SEZ6L: variants seen among roughly 807,000 people sequenced by gnomAD.
SEZ6L encodes the protein seizure related 6 homolog like.
Under a neutral mutation model 106.2 loss-of-function variants are expected in SEZ6L, and 37 were observed. That is an observed-to-expected ratio of 0.35 (90% confidence interval 0.27 to 0.46). The LOEUF (loss-of-function observed/expected upper bound fraction) is 0.46. Ranked by LOEUF, SEZ6L falls within the 20% of genes least tolerant of loss-of-function variation. The pLI is 1.00. For synonymous variants in SEZ6L, 541 were observed against 570.4 expected, an observed-to-expected ratio of 0.95 and a Z score of 0.73; for missense variants, 1,172 against 1,332.8, an observed-to-expected ratio of 0.88 and a Z score of 1.88.
At chr22:26,365,734 C>G (rs1274150501) in intron 13 of SEZ6L, among the ~76,000 whole-genome samples, 168 bp downstream of exon 13, 1 of 151,800 alleles carries the variant, frequency 6.6e-6, no homozygotes, top group African/African-American at 2.4e-5. Context: ...ATTAGTCAGG[C>G]ATGGCGGCAC....
chr22:26,350,200 A>T (rs1250656560), intron 11 of SEZ6L, among the ~76,000 whole-genome samples: 1 of 130,732 alleles, frequency 7.6e-6, no homozygotes, highest in Non-Finnish European at 1.5e-5. Flanking sequence ...GTGTGTATAT[A>T]TATATATACA....
At chr22:26,298,928 G>A in intron 4 of SEZ6L, 56 bp from the exon 5 acceptor site, 1 of 1,486,282 alleles carries the variant, frequency 6.7e-7, no homozygotes, top group Non-Finnish European at 9.0e-7. Context: ...TGTGGGTCAG[G>A]TTCTTGATCT....
At chr22:26,235,784 A>G (rs1432241402) in intron 1 of SEZ6L, among the ~76,000 whole-genome samples, 8 of 152,222 alleles carry the variant, frequency 5.3e-5, no homozygotes. Context: ...ACAGAGGGGT[A>G]GAATAGAGGA....
intron 15 of SEZ6L, among the ~76,000 whole-genome samples, chr22:26,377,336 G>A (rs1473570240): frequency 2.0e-5 from 3 of 152,056 alleles, no homozygotes; most frequent in Non-Finnish European, 2.9e-5. Flanking sequence ...TACAGTAGGT[G>A]CTCAATAAAT....
chr22:26,251,838 G>A (rs1569421160), intron 1 of SEZ6L, among the ~76,000 whole-genome samples: 1 of 152,174 alleles, frequency 6.6e-6, no homozygotes, highest in Non-Finnish European at 1.5e-5. Context: ...ATAGAGCAAA[G>A]GAGTGGTCCT....
intron 3 of SEZ6L, among the ~76,000 whole-genome samples, 197 bp from the exon 4 acceptor site, chr22:26,296,691 C>T (rs2081310334): frequency 6.6e-6 from 1 of 152,246 alleles, no homozygotes; most frequent in African/African-American, 2.4e-5. Flanking sequence ...TTCACTCTAT[C>T]CCCTTGGCTT....
chr22:26,327,998 C>G (rs191031895), intron 9 of SEZ6L, among the ~76,000 whole-genome samples: 38 of 152,346 alleles, frequency 2.5e-4, no homozygotes, highest in African/African-American at 8.2e-4. Flanking sequence ...ATTTCTAAAG[C>G]CTTGTATTCC....
At chr22:26,245,228 A>C (rs1210102746) in intron 1 of SEZ6L, among the ~76,000 whole-genome samples, 6 of 152,142 alleles carry the variant, frequency 3.9e-5, no homozygotes, top group Non-Finnish European at 7.4e-5. Flanking sequence ...GCCTGTAGCC[A>C]AGGTAGCTAT....
chr22:26,261,695 A>C (rs2080011690), intron 1 of SEZ6L, among the ~76,000 whole-genome samples: 1 of 152,214 alleles, frequency 6.6e-6, no homozygotes, highest in African/African-American at 2.4e-5. Flanking sequence ...GTGCCTACTA[A>C]GCATAAAGTA....
At chr22:26,325,830 C>T (rs552638767) in intron 9 of SEZ6L, among the ~76,000 whole-genome samples, 1 of 152,238 alleles carries the variant, frequency 6.6e-6, no homozygotes, top group East Asian at 1.9e-4. Flanking sequence ...ACATTACACA[C>T]ACTCAACAAT....
At chr22:26,282,870 A>G (rs919553459) in intron 1 of SEZ6L, among the ~76,000 whole-genome samples, 3 of 152,140 alleles carry the variant, frequency 2.0e-5, no homozygotes, top group African/African-American at 7.2e-5. Flanking sequence ...TTTTTTTTCT[A>G]TGTCAATCAA....
At chr22:26,248,905 A>G (rs76686645) in intron 1 of SEZ6L, among the ~76,000 whole-genome samples, 22 of 151,890 alleles carry the variant, frequency 1.4e-4, no homozygotes, top group African/African-American at 4.8e-4. Context: ...GAACCTGCCC[A>G]TGCCCCATGC....
chr22:26,248,829 C>T (rs186691738), intron 1 of SEZ6L, among the ~76,000 whole-genome samples: 4 of 152,314 alleles, frequency 2.6e-5, no homozygotes, highest in African/African-American at 7.2e-5. Flanking sequence ...TGGGGTGGAT[C>T]CTGCTGCAAA....
intron 1 of SEZ6L, among the ~76,000 whole-genome samples, chr22:26,216,631 T>G (rs2078307199): frequency 6.6e-6 from 1 of 151,350 alleles, no homozygotes; most frequent in African/African-American, 2.4e-5. Context: ...ACTCCAGCCT[T>G]GGTGACAGAG....
At chr22:26,268,211 A>C (rs2080249949) in intron 1 of SEZ6L, among the ~76,000 whole-genome samples, 1 of 152,236 alleles carries the variant, frequency 6.6e-6, no homozygotes, top group Non-Finnish European at 1.5e-5. Flanking sequence ...GCCAACATGC[A>C]CAATGACTTT....
intron 8 of SEZ6L, among the ~76,000 whole-genome samples, 160 bp from the exon 9 acceptor site, chr22:26,313,590 ACACACACACACACG>A (rs747149637): frequency 0.2 from 23,146 of 118,690 alleles, 2,009 homozygotes; most frequent in African/African-American, 0.31. Flanking sequence ...ACACACACAC[ACACACACACACACG>A]CACACACACA....
chr22:26,303,531 G>A (rs2081517664), intron 5 of SEZ6L, among the ~76,000 whole-genome samples: 1 of 152,226 alleles, frequency 6.6e-6, no homozygotes, highest in Admixed American at 6.5e-5. Context: ...TTCGATAAGA[G>A]ATACTGGAGT....
At chr22:26,373,220 C>T (rs1022117488) in intron 13 of SEZ6L, among the ~76,000 whole-genome samples, 22 of 152,232 alleles carry the variant, frequency 1.4e-4, no homozygotes, top group African/African-American at 5.3e-4. Flanking sequence ...TAATTATTCA[C>T]TATCACTGTT....
intron 15 of SEZ6L, among the ~76,000 whole-genome samples, chr22:26,376,714 A>G (rs1885768794): frequency 6.6e-6 from 1 of 152,120 alleles, no homozygotes; most frequent in Non-Finnish European, 1.5e-5. Context: ...ATGACACTGC[A>G]CTCCAGCCTG....
Sources: allele counts gnomAD v4.1 joint callset (sites outside exome capture counted in the v4.1 genomes callset), GRCh38; gene constraint gnomAD v4.1.1; transcripts MANE v1.5; gene names NCBI Gene and HGNC (gene_info 2026-07-23, HGNC 2026-07-21).